Variants in DPP10 observed in about 807,000 individuals in gnomAD.
DPP10 encodes inactive dipeptidyl peptidase 10.
Under a neutral mutation model 120.9 loss-of-function variants are expected in DPP10, and 33 were observed. The ratio of observed to expected loss-of-function variants is 0.27; its 90% CI spans 0.21 to 0.37. The LOEUF (loss-of-function observed/expected upper bound fraction) is 0.37. DPP10 is among the 10% of genes least tolerant of loss of function. DPP10 has a pLI of 1.00. For synonymous variants in DPP10, 337 were observed against 326.1 expected, an observed-to-expected ratio of 1.03 and a Z score of -0.36; for missense variants, 816 against 942.8, an observed-to-expected ratio of 0.87 and a Z score of 1.76.
chr2:115,704,767 TAATC>T (rs1030192419), intron 7 of DPP10, among the ~76,000 whole-genome samples: 6 of 151,978 alleles, frequency 3.9e-5, no homozygotes, highest in Non-Finnish European at 8.8e-5. Flanking sequence ...ACTGCAATGA[TAATC>T]AACCATATAT....
At chr2:115,325,926 A>G (rs917885718) in intron 2 of DPP10, among the ~76,000 whole-genome samples, 4 of 152,066 alleles carry the variant, frequency 2.6e-5, no homozygotes, top group African/African-American at 9.7e-5. Flanking sequence ...GTTAATAGCT[A>G]TTTCAGATCA....
At chr2:115,819,710 T>G (rs907845804) in intron 21 of DPP10, among the ~76,000 whole-genome samples, 1 of 152,168 alleles carries the variant, frequency 6.6e-6, no homozygotes, top group Non-Finnish European at 1.5e-5. Flanking sequence ...TACAAGCACT[T>G]AGGCTGGGTT....
intron 1 of DPP10, among the ~76,000 whole-genome samples, chr2:115,097,302 C>T (rs2048450510): frequency 6.6e-6 from 1 of 152,006 alleles, no homozygotes; most frequent in Non-Finnish European, 1.5e-5. Flanking sequence ...AGTTAAAGAC[C>T]AAATTTTAAA....
chr2:115,693,023 G>T (rs181242679), intron 7 of DPP10, among the ~76,000 whole-genome samples: 1 of 151,994 alleles, frequency 6.6e-6, no homozygotes, highest in Non-Finnish European at 1.5e-5. Flanking sequence ...CACACTAAAT[G>T]GTTGAATAAT....
intron 1 of DPP10, among the ~76,000 whole-genome samples, chr2:115,198,508 A>G (rs1397073637): frequency 6.6e-6 from 1 of 152,220 alleles, no homozygotes; most frequent in Non-Finnish European, 1.5e-5. Flanking sequence ...CAGTTCAGAC[A>G]TGCATTTGCC....
At chr2:114,559,891 C>CAAAAAAAAA (rs60833358) in intron 1 of DPP10, among the ~76,000 whole-genome samples, 42 of 65,904 alleles carry the variant, frequency 6.4e-4, no homozygotes, top group Non-Finnish European at 8.7e-4. Flanking sequence ...AGAAAAAAAG[C>CAAAAAAAAA]AAAAAAAAAA....
At chr2:114,655,719 A>G (rs1471260708) in intron 1 of DPP10, among the ~76,000 whole-genome samples, 1 of 152,128 alleles carries the variant, frequency 6.6e-6, no homozygotes, top group East Asian at 1.9e-4. Flanking sequence ...ATAATTAAAT[A>G]TGGTTGTGTG....
intron 3 of DPP10, among the ~76,000 whole-genome samples, chr2:115,378,679 G>A (rs2066016111): frequency 1.3e-5 from 2 of 152,008 alleles, no homozygotes; most frequent in Non-Finnish European, 2.9e-5. Flanking sequence ...GTATGATATT[G>A]GCTGTGGGTT....
chr2:114,827,982 T>C (rs542724106), intron 1 of DPP10, among the ~76,000 whole-genome samples: 1 of 152,372 alleles, frequency 6.6e-6, no homozygotes, highest in East Asian at 1.9e-4. Flanking sequence ...ACAGTGGCTT[T>C]GTTTTTCTTG....
chr2:115,598,850 G>A (rs1424607063), intron 5 of DPP10, among the ~76,000 whole-genome samples: 1 of 147,208 alleles, frequency 6.8e-6, no homozygotes, highest in African/African-American at 2.5e-5. Flanking sequence ...TTTTTGGAGT[G>A]TAGGTTTGAC....
chr2:114,899,877 G>A lies in DPP10; in HGVS notation c.61-409362G>A, dbSNP rs536353280. On this transcript the variant is annotated intron_variant, in intron 1 of 25. Coordinates refer to ENST00000410059, the MANE Select transcript of DPP10 (RefSeq NM_020868.6). ...CGGGAGGCTGAGGCAGGAGAATGGCGTGAACCCGGGAGGTGGAGCTGGCAG... is the reference window on the plus strand; with the variant it reads ...CGGGAGGCTGAGGCAGGAGAATGGCATGAACCCGGGAGGTGGAGCTGGCAG... Among the ~76,000 whole-genome samples the A allele has an allele frequency of 2.0e-3, 309 of 152,272 alleles. 4 individuals carry two copies. The highest frequency in any genetic ancestry group is 7.0e-3 in the African/African-American group (292 of 41,560).
intron 1 of DPP10, among the ~76,000 whole-genome samples, chr2:114,974,481 G>A (rs1377345713): frequency 6.9e-6 from 1 of 145,936 alleles, no homozygotes; most frequent in African/African-American, 2.5e-5. Flanking sequence ...GCAGTGGCAA[G>A]ATTTCTGCAC....
intron 1 of DPP10, among the ~76,000 whole-genome samples, chr2:114,555,256 G>C (rs987429849): frequency 6.6e-6 from 1 of 152,114 alleles, no homozygotes; most frequent in Non-Finnish European, 1.5e-5. Context: ...CTTGCTTGTG[G>C]CAGGACATCA....
At chr2:114,762,127 C>T (rs901770566) in intron 1 of DPP10, among the ~76,000 whole-genome samples, 1 of 152,180 alleles carries the variant, frequency 6.6e-6, no homozygotes, top group Non-Finnish European at 1.5e-5. Context: ...CCTGTATCCA[C>T]CACCTTCTTA....
At chr2:115,224,556 G>T (rs1472051697) in intron 1 of DPP10, among the ~76,000 whole-genome samples, 1 of 152,036 alleles carries the variant, frequency 6.6e-6, no homozygotes, top group Non-Finnish European at 1.5e-5. Context: ...GATCGTCAAA[G>T]GACATAAAAT....
At chr2:115,397,856 C>T (rs138843213) in intron 3 of DPP10, among the ~76,000 whole-genome samples, 2 of 152,178 alleles carry the variant, frequency 1.3e-5, no homozygotes, top group East Asian at 3.9e-4. Context: ...CAAGTATGTC[C>T]CGGTGTATGT....
chr2:114,526,317 T>C (rs1378587931), intron 1 of DPP10, among the ~76,000 whole-genome samples: 1 of 152,224 alleles, frequency 6.6e-6, no homozygotes, highest in Non-Finnish European at 1.5e-5. Context: ...GTTCTGTTTT[T>C]ATTGACGATT....
intron 1 of DPP10, among the ~76,000 whole-genome samples, chr2:114,834,720 A>G (rs1055903429): frequency 2.3e-5 from 3 of 132,400 alleles, no homozygotes; most frequent in Non-Finnish European, 5.1e-5. Context: ...CTATGTATAT[A>G]TAAGCCATGT....
At chr2:114,953,201 T>A (rs574992229) in intron 1 of DPP10, among the ~76,000 whole-genome samples, 4 of 152,316 alleles carry the variant, frequency 2.6e-5, no homozygotes, top group African/African-American at 9.6e-5. Context: ...GAAGGGCATC[T>A]TTATAAATGT....
Sources: gnomAD v4.1 joint callset for allele counts (sites outside exome capture counted in the v4.1 genomes callset) on GRCh38, gnomAD v4.1.1 for gene constraint, MANE v1.5 for transcripts, NCBI Gene and HGNC (gene_info 2026-07-23, HGNC 2026-07-21) for gene names.